KCNAB2: variants seen among roughly 807,000 people sequenced by gnomAD.
The protein encoded by KCNAB2 is voltage-gated potassium channel subunit beta-2.
A neutral mutation model predicts 63.6 loss-of-function variants in KCNAB2; 29 were observed. The observed-to-expected ratio is 0.46, with a 90% CI of 0.34 to 0.62. KCNAB2 has a LOEUF of 0.62. Ranked by LOEUF, KCNAB2 falls within the 20% of genes least tolerant of loss-of-function variation. The pLI is 0.01. For synonymous variants in KCNAB2, 222 were observed against 224.2 expected, an observed-to-expected ratio of 0.99 and a Z score of 0.09; for missense variants, 359 against 563.9, an observed-to-expected ratio of 0.64 and a Z score of 3.68.
At position 6,096,864 on chromosome 1, in the gene KCNAB2, G is replaced by A. The variant is rs537669767; in HGVS notation, c.1069+108G>A. The A allele has an allele frequency of 2.2e-6, 3 of 1,352,178 alleles. No homozygotes were observed. Among genetic ancestry groups the A allele is most frequent in the African/African-American group, 1.5e-5 (1 of 68,038 alleles). The allele number at this position is 1,352,178 out of a possible 1,614,324, so 83.8% of individuals were successfully genotyped here. On this transcript the variant is annotated intron_variant, in intron 14 of 15. Coordinates refer to ENST00000378083, the MANE Select transcript of KCNAB2 (RefSeq NM_001199862.2). The surrounding 1 kb of genome is among the most constrained non-coding windows in gnomAD (Gnocchi z 5.9). ...TGGGGCCAGTGTCTCCGGGGAGAGA[G>A]GGAAGGGATCCCTGGACATCATCCC...
intron 1 of KCNAB2, among the ~76,000 whole-genome samples, chr1:6,025,812 C>G (rs1365608058): frequency 6.6e-6 from 1 of 152,128 alleles, no homozygotes; most frequent in Non-Finnish European, 1.5e-5. Flanking sequence ...GATGAGGGAG[C>G]GCAGGTAAAA....
In KCNAB2 at chr1:6,035,725, A is replaced by G. The variant is rs1256185771; in HGVS notation, c.-53+931A>G. On this transcript the variant is annotated intron_variant, in intron 1 of 15. Coordinates refer to the KCNAB2 transcript ENST00000164247. This position sits in a 1 kb window ranked among gnomAD's most constrained non-coding sequence, Gnocchi z 5.0. Reference sequence around the variant, plus strand: ...ACCCTCATAGCTGAGCCACACAGGCAGGAAATAAACAGCTCTGGGGTTCAG... The same window carrying G: ...ACCCTCATAGCTGAGCCACACAGGCGGGAAATAAACAGCTCTGGGGTTCAG... 6.6e-6 allele frequency among the ~76,000 whole-genome samples: 1 copy of G among 150,646 alleles called. No homozygotes were observed. The highest frequency in any genetic ancestry group is 2.4e-5 in the African/African-American group (1 of 40,994).
At position 6,078,714 on chromosome 1, in the gene KCNAB2, G is replaced by A. The variant is rs1452836513; in HGVS notation, c.301-3481G>A. The stretch of plus-strand genomic sequence containing the variant: ...TGACCTGATTTAAAAGGTCTGCCAA[G>A]GCTCGCCCTGGCTGCTGCACTGGGA... On this transcript the variant is annotated intron_variant, in intron 4 of 15. Coordinates refer to ENST00000378083, the MANE Select transcript of KCNAB2 (RefSeq NM_001199862.2). The surrounding 1 kb of genome is among the most constrained non-coding windows in gnomAD (Gnocchi z 4.2). Among the ~76,000 whole-genome samples, 7 of 152,340 alleles carry A rather than the reference G, an allele frequency of 4.6e-5. No homozygotes were observed. The East Asian group carries it at 1.4e-3, about 29-fold the overall frequency.
At chr1:6,033,427 T>C (rs1399020011), upstream of KCNAB2, among the ~76,000 whole-genome samples, 4 of 150,398 alleles carry the variant, frequency 2.7e-5, no homozygotes, top group Non-Finnish European at 5.9e-5. Context: ...TGTCTGTGCA[T>C]GTGGATGTGG....
At chr1:6,072,721 G>A in intron 2 of KCNAB2, 34 bp from the exon 3 acceptor site, 1 of 1,612,958 alleles carries the variant, frequency 6.2e-7, no homozygotes, top group Non-Finnish European at 8.5e-7. Flanking sequence ...GTCCTGCCTG[G>A]GTGCTGAGAA....
chr1:6,007,339 C>T (rs539415004), intron 1 of KCNAB2: 1 of 152,278 alleles, frequency 6.6e-6, no homozygotes, highest in Admixed American at 6.5e-5. Flanking sequence ...AAGCAATGAT[C>T]TCTCTGAAAT....
chr1:6,009,380 C>T (rs141876065), intron 1 of KCNAB2, among the ~76,000 whole-genome samples: 2,591 of 152,282 alleles, frequency 0.017, 41 homozygotes, highest in African/African-American at 0.041. Flanking sequence ...GGAGGGGGCC[C>T]GGTGGTGTCC....
chr1:6,084,729 C>T lies in KCNAB2; in HGVS notation c.381-475C>T, dbSNP rs548985502. Among the ~76,000 whole-genome samples, 34 of 151,318 alleles carry T rather than the reference C, an allele frequency of 2.2e-4. No homozygotes were observed. In the East Asian group the frequency reaches 2.3e-3, roughly 10 times the overall value. ...TACTTGGGAGGCTGAGGCAGGAGAA[C>T]TGCTTGAACCCAGGAGGCAGAGGTT... is the stretch of plus-strand genomic sequence containing the variant. On this transcript the variant is annotated intron_variant, in intron 5 of 15. Coordinates refer to ENST00000378083, the MANE Select transcript of KCNAB2 (RefSeq NM_001199862.2).
At chr1:6,077,116 G>T (rs1663732208) in intron 4 of KCNAB2, among the ~76,000 whole-genome samples, 1 of 152,016 alleles carries the variant, frequency 6.6e-6, no homozygotes, top group African/African-American at 2.4e-5. Context: ...AATCTGGGAG[G>T]CGGAGGTTGC....
At chr1:6,076,510 G>A (rs1017404067) in intron 4 of KCNAB2, among the ~76,000 whole-genome samples, 4 of 152,220 alleles carry the variant, frequency 2.6e-5, no homozygotes, top group African/African-American at 9.7e-5. Flanking sequence ...AGATGTAATG[G>A]TTGAGAACCT....
In KCNAB2 at chr1:6,069,720, C is replaced by T. The variant is rs1663041733; in HGVS notation, c.219-3035C>T. 6.6e-6 allele frequency among the ~76,000 whole-genome samples: 1 copy of T among 152,234 alleles called. No individual in the cohort carries two copies. Among genetic ancestry groups the T allele is most frequent in the Non-Finnish European group, 1.5e-5 (1 of 68,042 alleles). Reference sequence around the variant, plus strand: ...ACACGCAGCAGCCATGCTTACAAAGCGTTCAGCCTGGAGGCGCCCTGTCCC... The same window carrying T: ...ACACGCAGCAGCCATGCTTACAAAGTGTTCAGCCTGGAGGCGCCCTGTCCC... On this transcript the variant is annotated intron_variant, in intron 2 of 15. Coordinates refer to ENST00000378083, the MANE Select transcript of KCNAB2 (RefSeq NM_001199862.2). This position sits in a 1 kb window ranked among gnomAD's most constrained non-coding sequence, Gnocchi z 5.4.
In KCNAB2 at chr1:6,094,715, C is replaced by T. The variant is rs762223018; in HGVS notation, c.732+230C>T. Among the ~76,000 whole-genome samples the T allele has an allele frequency of 6.6e-5, 10 of 152,340 alleles. No homozygotes were observed. The South Asian group carries it at 1.0e-3, about 16-fold the overall frequency. The stretch of plus-strand genomic sequence containing the variant: ...GTGTGGCCCTGGACAAATGGCTTAA[C>T]GTCTCTGAGCTTGTTTCCCCACCTG... On this transcript the variant is annotated intron_variant, in intron 11 of 15. Coordinates refer to ENST00000378083, the MANE Select transcript of KCNAB2 (RefSeq NM_001199862.2).
upstream of KCNAB2, chr1:6,041,758 G>A: frequency 7.3e-7 from 1 of 1,376,132 alleles, no homozygotes; most frequent in Non-Finnish European, 1.0e-6. Flanking sequence ...ACCTGCTGGG[G>A]TTGATGCCAA....
chr1:6,060,018 C>A lies in KCNAB2; in HGVS notation c.218+8264C>A, dbSNP rs146924051. 3.3e-3 allele frequency among the ~76,000 whole-genome samples: 510 copies of A among 152,330 alleles called. 1 individual carries two copies. Among genetic ancestry groups the A allele is most frequent in the African/African-American group, 0.011 (471 of 41,572 alleles). On this transcript the variant is annotated intron_variant, in intron 2 of 15. Transcript: ENST00000378083. ...CCTGTCATCGGTCCTGTGGCCTCCT[C>A]CTTCCCTCGGCCTCCCACTGTCCCT...
Position 6,087,549 on chromosome 1 carries a change from C to G in KCNAB2, c.470+38C>G. On this transcript the variant is annotated intron_variant, in intron 7 of 15. Coordinates refer to ENST00000378083, the MANE Select transcript of KCNAB2 (RefSeq NM_001199862.2). The surrounding 1 kb of genome is among the most constrained non-coding windows in gnomAD (Gnocchi z 6.4). The stretch of plus-strand genomic sequence containing the variant: ...GCTGGCGATGCTTCCAGCCCCGGCC[C>G]AGCAGCCACGGCCCCGTGCTCCCCA... The G allele has an allele frequency of 6.2e-7, 1 of 1,610,580 alleles. No individual in the cohort carries two copies. The highest frequency in any genetic ancestry group is 1.1e-5 in the South Asian group (1 of 91,000).
rs57334884 is a variant in KCNAB2, at chr1:6,052,092, G to T, written c.218+338G>T. 2.7e-3 allele frequency among the ~76,000 whole-genome samples: 412 copies of T among 151,698 alleles called. 1 individual carries two copies. Among genetic ancestry groups the T allele is most frequent in the African/African-American group, 9.4e-3 (390 of 41,292 alleles). On this transcript the variant is annotated intron_variant, in intron 2 of 15. Transcript: ENST00000378083. ...ACTCCAGCCTGGGCGACAAGAGTGA[G>T]ACACTGTCTCAACAACAACAACAAA...
At chr1:6,042,997 AT>A (rs1477472552), upstream of KCNAB2, among the ~76,000 whole-genome samples, 2 of 152,024 alleles carry the variant, frequency 1.3e-5, no homozygotes, top group Non-Finnish European at 2.9e-5. Flanking sequence ...TCCTACTGAA[AT>A]TTTGGTAGAT....
intron 2 of KCNAB2, among the ~76,000 whole-genome samples, chr1:6,052,538 T>C (rs1661480021): frequency 6.6e-6 from 1 of 152,188 alleles, no homozygotes; most frequent in Non-Finnish European, 1.5e-5. Context: ...CTCTTAATGA[T>C]AGGCACGTAG....
intron 10 of KCNAB2, among the ~76,000 whole-genome samples, chr1:6,093,339 C>T (rs1221963517): frequency 6.6e-6 from 1 of 152,238 alleles, no homozygotes; most frequent in Non-Finnish European, 1.5e-5. Flanking sequence ...GCGCCATAGT[C>T]CCTCGCCCTG....
Sources: allele counts gnomAD v4.1 joint callset (sites outside exome capture counted in the v4.1 genomes callset), GRCh38; gene constraint gnomAD v4.1.1; non-coding constraint Gnocchi (gnomAD v3.1); transcripts MANE v1.5; gene names NCBI Gene and HGNC (gene_info 2026-07-23, HGNC 2026-07-21).